Variants in PRKCH observed in about 807,000 individuals in gnomAD.
The protein encoded by PRKCH is protein kinase C eta.
In PRKCH, 28 loss-of-function variants were observed where a neutral mutation model predicts 82.5. That is an observed-to-expected ratio of 0.34 (90% CI 0.25 to 0.47). PRKCH has a LOEUF of 0.47. PRKCH is among the 20% of genes least tolerant of loss of function. The pLI is 1.00. For missense variants in PRKCH, 705 were observed against 881.8 expected (o/e 0.80, Z 2.54); for synonymous variants, 322 against 327.4 (o/e 0.98, Z 0.18).
intron 10 of PRKCH, among the ~76,000 whole-genome samples, chr14:61,500,844 T>A (rs548629991): frequency 9.2e-5 from 14 of 152,162 alleles, no homozygotes; most frequent in African/African-American, 3.1e-4. Flanking sequence ...AAAATCACCT[T>A]TGGGTATGTC....
intron 10 of PRKCH, among the ~76,000 whole-genome samples, chr14:61,511,289 T>G (rs1006625065): frequency 6.6e-6 from 1 of 152,004 alleles, no homozygotes; most frequent in African/African-American, 2.4e-5. Context: ...GCCTGGCAGG[T>G]GACTGTGGCC....
intron 9 of PRKCH, among the ~76,000 whole-genome samples, chr14:61,473,417 G>C (rs1885592110): frequency 6.6e-6 from 1 of 152,222 alleles, no homozygotes; most frequent in African/African-American, 2.4e-5. Context: ...AATGGCAGCA[G>C]ATCTGGTGAG....
chr14:61,514,573 A>T (rs373450197), intron 10 of PRKCH, among the ~76,000 whole-genome samples: 6 of 152,100 alleles, frequency 3.9e-5, no homozygotes, highest in Non-Finnish European at 5.9e-5. Flanking sequence ...GATGGGTCCC[A>T]GGGTCCCAGC....
intron 1 of PRKCH, among the ~76,000 whole-genome samples, chr14:61,193,612 A>G (rs1347604894): frequency 6.6e-6 from 1 of 152,160 alleles, no homozygotes; most frequent in East Asian, 1.9e-4. Flanking sequence ...CCAAGACACT[A>G]GTTCTTTCTC....
chr14:61,328,815 C>G (rs2045740224), intron 1 of PRKCH, among the ~76,000 whole-genome samples: 2 of 151,724 alleles, frequency 1.3e-5, no homozygotes, highest in African/African-American at 2.4e-5. Context: ...TAGTGAGACC[C>G]CATCTCCACA....
chr14:61,505,666 C>A (rs1157208370), intron 10 of PRKCH, among the ~76,000 whole-genome samples: 1 of 152,020 alleles, frequency 6.6e-6, no homozygotes, highest in African/African-American at 2.4e-5. Context: ...TGAGCCACCA[C>A]GCCCAGCCGG....
intron 7 of PRKCH, among the ~76,000 whole-genome samples, 157 bp downstream of exon 7, chr14:61,453,510 CTTT>C (rs1339645721): frequency 6.6e-6 from 1 of 151,664 alleles, no homozygotes; most frequent in Non-Finnish European, 1.5e-5. Flanking sequence ...TTCTTTCTTT[CTTT>C]TTTCTTTTCT....
chr14:61,364,228 T>G (rs553625748), intron 1 of PRKCH, among the ~76,000 whole-genome samples: 1 of 151,670 alleles, frequency 6.6e-6, no homozygotes, highest in Non-Finnish European at 1.5e-5. Context: ...TCACCCTTAG[T>G]ATTTGATGAA....
At chr14:61,407,851 A>G (rs1310336093) in intron 2 of PRKCH, among the ~76,000 whole-genome samples, 1 of 152,202 alleles carries the variant, frequency 6.6e-6, no homozygotes, top group African/African-American at 2.4e-5. Context: ...CATGGGCTGA[A>G]ATCAGCCTGC....
intron 1 of PRKCH, among the ~76,000 whole-genome samples, chr14:61,314,671 C>T (rs1290179514): frequency 6.6e-6 from 1 of 152,188 alleles, no homozygotes; most frequent in Non-Finnish European, 1.5e-5. Flanking sequence ...ATCGAAGGCT[C>T]TTCTTTTGGG....
intron 2 of PRKCH, among the ~76,000 whole-genome samples, chr14:61,439,322 T>G (rs908523195): frequency 3.7e-4 from 57 of 152,236 alleles, no homozygotes; most frequent in African/African-American, 1.3e-3. Context: ...TGTTTCCTTT[T>G]GCTCATGGCA....
chr14:61,332,535 A>C (rs1435682596), intron 1 of PRKCH, among the ~76,000 whole-genome samples: 2 of 152,232 alleles, frequency 1.3e-5, no homozygotes, highest in African/African-American at 4.8e-5. Context: ...TTGACCTCAC[A>C]GGGAGATAAA....
chr14:61,454,559 A>AGGCT (rs1884672760), intron 7 of PRKCH, among the ~76,000 whole-genome samples: 2 of 152,192 alleles, frequency 1.3e-5, no homozygotes, highest in African/African-American at 4.8e-5. Flanking sequence ...GTTCAACTTG[A>AGGCT]AGATCTCAGA....
At chr14:61,207,682 A>G (rs2044538428) in intron 1 of PRKCH, among the ~76,000 whole-genome samples, 1 of 152,152 alleles carries the variant, frequency 6.6e-6, no homozygotes, top group African/African-American at 2.4e-5. Context: ...TTTTCTTTAT[A>G]ATATTACTTT....
At chr14:61,455,718 T>A (rs1884735112) in intron 7 of PRKCH, among the ~76,000 whole-genome samples, 1 of 152,334 alleles carries the variant, frequency 6.6e-6, no homozygotes, top group South Asian at 2.1e-4. Context: ...TTGAATCAAG[T>A]ATCCTTAATC....
chr14:61,418,281 C>T (rs1185441387), intron 2 of PRKCH, among the ~76,000 whole-genome samples: 1 of 152,240 alleles, frequency 6.6e-6, no homozygotes, highest in Non-Finnish European at 1.5e-5. Context: ...CCCTCATGGG[C>T]CAGGCTCTAG....
At chr14:61,427,383 A>G (rs927983055) in intron 2 of PRKCH, among the ~76,000 whole-genome samples, 3 of 152,166 alleles carry the variant, frequency 2.0e-5, no homozygotes, top group South Asian at 2.1e-4. Flanking sequence ...AATGTTTCCT[A>G]TATAGACCTA....
At chr14:61,397,306 T>C (rs1221680119) in intron 2 of PRKCH, among the ~76,000 whole-genome samples, 2 of 152,100 alleles carry the variant, frequency 1.3e-5, no homozygotes, top group Non-Finnish European at 2.9e-5. Context: ...TGGGAGAAGA[T>C]GATGAATCCA....
chr14:61,278,975 T>TCACACACACACACACACACACACA (rs71117806), intron 1 of PRKCH: 1 of 140,240 alleles, frequency 7.1e-6, no homozygotes, highest in Non-Finnish European at 1.6e-5. Context: ...CCCTTTCTAA[T>TCACACACACACACACACACACACA]CACACACACA....
Sources: gnomAD v4.1 joint callset for allele counts (sites outside exome capture counted in the v4.1 genomes callset) on GRCh38, gnomAD v4.1.1 for gene constraint, MANE v1.5 for transcripts, NCBI Gene and HGNC (gene_info 2026-07-23, HGNC 2026-07-21) for gene names.